Variants in UGGT2 observed in about 807,000 individuals in gnomAD.
UGGT2 encodes UDP-glucose glycoprotein glucosyltransferase 2.
UGGT2 carries 180 observed loss-of-function variants against 192.1 expected under a neutral mutation model. The ratio of observed to expected loss-of-function variants is 0.94; its 90% CI spans 0.83 to 1.06. The LOEUF (loss-of-function observed/expected upper bound fraction) is 1.06. Ranked by LOEUF, UGGT2 falls within the 50% of genes least tolerant of loss-of-function variation. The pLI is 0.00. For synonymous variants in UGGT2, 580 were observed against 591.0 expected, an observed-to-expected ratio of 0.98 and a Z score of 0.27; for missense variants, 1,849 against 1,795.7, an observed-to-expected ratio of 1.03 and a Z score of -0.54.
At chr13:95,897,900 T>C (rs1426650475) in intron 22 of UGGT2, among the ~76,000 whole-genome samples, 1 of 152,132 alleles carries the variant, frequency 6.6e-6, no homozygotes, top group African/African-American at 2.4e-5. Context: ...TCTTAACAAG[T>C]CTTTTTGGAG....
intron 5 of UGGT2, among the ~76,000 whole-genome samples, chr13:96,005,628 C>T (rs996540044): frequency 6.6e-6 from 1 of 152,108 alleles, no homozygotes; most frequent in African/African-American, 2.4e-5. Context: ...GAAGGAAGGA[C>T]GGGAATACCT....
At chr13:95,867,176 G>A (rs1219201144) in intron 30 of UGGT2, among the ~76,000 whole-genome samples, 163 bp downstream of exon 30, 1 of 151,876 alleles carries the variant, frequency 6.6e-6, no homozygotes, top group Non-Finnish European at 1.5e-5. Context: ...GTTTTCCTTT[G>A]TGAACTTAAT....
intron 5 of UGGT2, among the ~76,000 whole-genome samples, chr13:96,001,823 C>T (rs1482906559): frequency 1.3e-5 from 2 of 152,172 alleles, no homozygotes; most frequent in Admixed American, 6.5e-5. Flanking sequence ...CTTCCATTTC[C>T]TCCTCAGCCT....
intron 4 of UGGT2, among the ~76,000 whole-genome samples, chr13:96,022,520 T>G (rs1261588584): frequency 6.6e-6 from 1 of 151,594 alleles, no homozygotes; most frequent in African/African-American, 2.4e-5. Context: ...CTTTCAAAAT[T>G]AAAAAAACTA....
chr13:95,810,130 G>A (rs949754804), intron 38 of UGGT2, among the ~76,000 whole-genome samples: 2 of 152,114 alleles, frequency 1.3e-5, no homozygotes, highest in Admixed American at 1.3e-4. Flanking sequence ...CAAGCAATTC[G>A]ACTTTTTTTT....
At chr13:96,023,361 T>C (rs958359512) in intron 3 of UGGT2, among the ~76,000 whole-genome samples, 1 of 152,150 alleles carries the variant, frequency 6.6e-6, no homozygotes, top group Non-Finnish European at 1.5e-5. Context: ...GCTTCATAGT[T>C]ATTGAAAAAA....
At chr13:95,918,243 A>T (rs2048739346) in intron 20 of UGGT2, among the ~76,000 whole-genome samples, 1 of 152,224 alleles carries the variant, frequency 6.6e-6, no homozygotes. Context: ...AAACCACACA[A>T]CTACATGAAA....
chr13:95,895,052 T>C, intron 23 of UGGT2, 128 bp downstream of exon 23: 1 of 946,176 alleles, frequency 1.1e-6, no homozygotes, highest in South Asian at 1.9e-5. Flanking sequence ...TATTTGCTTA[T>C]ATTCTTTATA....
intron 1 of UGGT2, among the ~76,000 whole-genome samples, chr13:96,042,752 GAAGA>G (rs1350771860): frequency 1.3e-5 from 2 of 152,040 alleles, no homozygotes; most frequent in Non-Finnish European, 2.9e-5. Flanking sequence ...CAAATAAGCA[GAAGA>G]AAGAACTTCA....
chr13:95,994,347 T>C (rs886608780), intron 7 of UGGT2, among the ~76,000 whole-genome samples: 2 of 151,824 alleles, frequency 1.3e-5, no homozygotes, highest in Admixed American at 1.3e-4. Context: ...GTTAATTTAT[T>C]AAAAAACAGT....
intron 8 of UGGT2, among the ~76,000 whole-genome samples, chr13:95,988,040 GGGT>G (rs1193887870): frequency 2.6e-5 from 4 of 151,978 alleles, no homozygotes; most frequent in Admixed American, 2.6e-4. Flanking sequence ...CAGTCCCTCG[GGGT>G]ACTACTGCTG....
At chr13:95,940,470 T>TTTTTTG in intron 15 of UGGT2, among the ~76,000 whole-genome samples, 1 of 149,776 alleles carries the variant, frequency 6.7e-6, no homozygotes, top group East Asian at 1.9e-4. Flanking sequence ...TTTTTTTTTT[T>TTTTTTG]TTTGAGACAG....
intron 8 of UGGT2, among the ~76,000 whole-genome samples, chr13:95,988,039 G>A (rs190549455): frequency 2.6e-4 from 40 of 152,072 alleles, no homozygotes; most frequent in African/African-American, 8.0e-4. Context: ...ACAGTCCCTC[G>A]GGGTACTACT....
At chr13:96,050,360 C>G (rs559263245) in intron 1 of UGGT2, among the ~76,000 whole-genome samples, 73 of 152,268 alleles carry the variant, frequency 4.8e-4, no homozygotes, top group African/African-American at 1.7e-3. Context: ...AATGTTAGAT[C>G]TAAAACCATA....
intron 24 of UGGT2, among the ~76,000 whole-genome samples, chr13:95,893,737 G>C (rs1304051931): frequency 6.8e-6 from 1 of 147,366 alleles, no homozygotes; most frequent in Non-Finnish European, 1.5e-5. Context: ...AGTGAGCTCA[G>C]GGAATCTTCA....
At position 95,833,008 on chromosome 13, in the gene UGGT2, T is replaced by G. The variant is rs765051477; in HGVS notation, c.4447A>C (p.Arg1483=). 1.6e-5 allele frequency: 26 copies of G among 1,612,756 alleles called. No homozygotes were observed. Among genetic ancestry groups the G allele is most frequent in the Non-Finnish European group, 2.0e-5 (24 of 1,179,200 alleles). The change falls in exon 38 of 39, where the codon AGA becomes CGA. Residue 1483 remains arginine, a synonymous_variant. Transcript: ENST00000376747. ...TACTCCACCCATTCTGGGACAATTC[T>G]GGCAGCAGCTTTTAGTTTGGATTCT... ...TKESKLKAAA[R]IVPEWVEYDA...
intron 1 of UGGT2, among the ~76,000 whole-genome samples, chr13:96,034,230 T>C (rs1353872894): frequency 6.6e-6 from 1 of 151,888 alleles, no homozygotes; most frequent in Non-Finnish European, 1.5e-5. Flanking sequence ...CCACTCCATT[T>C]CTCCTCTCAG....
At chr13:95,917,184 G>C (rs552141586) in intron 20 of UGGT2, among the ~76,000 whole-genome samples, 3 of 152,286 alleles carry the variant, frequency 2.0e-5, no homozygotes, top group Admixed American at 2.0e-4. Flanking sequence ...AAGCCCATCA[G>C]ACTAACAGCA....
rs904339537 is a variant in UGGT2 at position 95,972,777 on chromosome 13, G to T, written c.1093-106C>A. On this transcript the variant is annotated intron_variant, in intron 10 of 38. Transcript: ENST00000376747. ...AAGAGTCAGAGAGTAAATATTTTAG[G>T]TTTGGCAGGCCATACAGTCTCTGTT... 4.9e-6 allele frequency: 4 copies of T among 808,364 alleles called. No homozygotes were observed. In the African/African-American group the frequency reaches 5.2e-5, roughly 11 times the overall value. The allele number at this position is 808,364 out of a possible 1,614,324, so 50.1% of individuals were successfully genotyped here.
Sources: allele counts gnomAD v4.1 joint callset (sites outside exome capture counted in the v4.1 genomes callset), GRCh38; gene constraint gnomAD v4.1.1; transcripts MANE v1.5; gene names NCBI Gene and HGNC (gene_info 2026-07-23, HGNC 2026-07-21).